SPIDR: variants seen among roughly 807,000 people sequenced by gnomAD.
The protein encoded by SPIDR is DNA repair-scaffolding protein.
A neutral mutation model predicts 104.6 loss-of-function variants in SPIDR; 93 were observed. The observed-to-expected ratio is 0.89, with a 90% CI of 0.75 to 1.06. The LOEUF is 1.06. SPIDR is among the 50% of genes least tolerant of loss of function. The pLI, the probability that SPIDR is intolerant of heterozygous loss-of-function variation, is 0.00. For synonymous variants in SPIDR, 431 were observed against 416.9 expected (o/e 1.03, Z -0.41); for missense variants, 1,154 against 1,111.2 (o/e 1.04, Z -0.55).
intron 10 of SPIDR, among the ~76,000 whole-genome samples, chr8:47,627,277 T>C (rs1307628370): frequency 1.3e-5 from 2 of 151,974 alleles, no homozygotes; most frequent in Non-Finnish European, 1.5e-5. Context: ...TTAGGAGATA[T>C]ACCTAATGCT....
At chr8:47,302,448 C>G (rs1163603810) in intron 5 of SPIDR, among the ~76,000 whole-genome samples, 1 of 152,140 alleles carries the variant, frequency 6.6e-6, no homozygotes, top group African/African-American at 2.4e-5. Context: ...CTCAACTCGT[C>G]AAAGTCACTC....
chr8:47,507,590 T>C (rs2081681078), intron 8 of SPIDR, among the ~76,000 whole-genome samples: 4 of 152,254 alleles, frequency 2.6e-5, no homozygotes, highest in Admixed American at 2.6e-4. Context: ...ATCAGTAATA[T>C]AAGCTTCTTG....
intron 16 of SPIDR, among the ~76,000 whole-genome samples, chr8:47,716,082 A>G (rs1486613600): frequency 6.7e-6 from 1 of 149,614 alleles, no homozygotes; most frequent in Non-Finnish European, 1.5e-5. Flanking sequence ...CTCCTGCCTC[A>G]GCCTCCCAAG....
intron 8 of SPIDR, among the ~76,000 whole-genome samples, chr8:47,449,117 A>T (rs782451248): frequency 1.3e-5 from 2 of 152,154 alleles, no homozygotes; most frequent in Non-Finnish European, 2.9e-5. Context: ...TTGGACTATG[A>T]TGGTGAATAG....
chr8:47,322,871 A>G (rs1211020457), intron 5 of SPIDR, among the ~76,000 whole-genome samples: 2 of 151,792 alleles, frequency 1.3e-5, no homozygotes, highest in Non-Finnish European at 2.9e-5. Context: ...TCTCACTCAT[A>G]GGTGGGAATT....
chr8:47,563,574 A>G lies in SPIDR; in HGVS notation c.1098-32237A>G, dbSNP rs906301847. Among the ~76,000 whole-genome samples the G allele has an allele frequency of 1.1e-4, 16 of 152,108 alleles. 1 individual carries two copies. On this transcript the variant is annotated intron_variant, in intron 8 of 19. Transcript: ENST00000297423. ...ACTGTGCCTCAGGTTGTCATGTACC[A>G]TTGTGCCCCTATCGACTGTCACATG...
At chr8:47,499,007 A>G (rs1427569297) in intron 8 of SPIDR, among the ~76,000 whole-genome samples, 1 of 152,196 alleles carries the variant, frequency 6.6e-6, no homozygotes, top group Non-Finnish European at 1.5e-5. Context: ...ATCTAGAAGC[A>G]AAGACCTCTG....
chr8:47,544,668 G>C (rs1312891144), intron 8 of SPIDR, among the ~76,000 whole-genome samples: 2 of 152,166 alleles, frequency 1.3e-5, no homozygotes, highest in Non-Finnish European at 2.9e-5. Flanking sequence ...TCTATTTCTG[G>C]GTGTTCTGTT....
chr8:47,711,318 G>A (rs2081855319), intron 14 of SPIDR, among the ~76,000 whole-genome samples: 1 of 152,106 alleles, frequency 6.6e-6, no homozygotes, highest in Non-Finnish European at 1.5e-5. Context: ...ATGGAGAATG[G>A]CTTTTTGGTT....
chr8:47,304,589 T>A (rs1012487764), intron 5 of SPIDR, among the ~76,000 whole-genome samples: 1 of 152,274 alleles, frequency 6.6e-6, no homozygotes, highest in Non-Finnish European at 1.5e-5. Flanking sequence ...AAGTGTCTGC[T>A]TCCTCCTCCC....
intron 5 of SPIDR, among the ~76,000 whole-genome samples, chr8:47,353,178 A>G (rs2053886455): frequency 6.6e-6 from 1 of 152,136 alleles, no homozygotes; most frequent in Non-Finnish European, 1.5e-5. Context: ...TGGGAGTCAA[A>G]ATAATTAAAA....
chr8:47,379,825 T>G (rs1587944112), intron 5 of SPIDR, among the ~76,000 whole-genome samples: 1 of 152,180 alleles, frequency 6.6e-6, no homozygotes, highest in African/African-American at 2.4e-5. Flanking sequence ...CTTGTGGAGC[T>G]TCTGGGTGAG....
At chr8:47,635,419 C>A (rs2067747707) in intron 10 of SPIDR, among the ~76,000 whole-genome samples, 1 of 152,056 alleles carries the variant, frequency 6.6e-6, no homozygotes, top group Non-Finnish European at 1.5e-5. Context: ...TGAGGGATAC[C>A]CCATCTACCC....
At chr8:47,627,053 C>A (rs575938169) in intron 10 of SPIDR, among the ~76,000 whole-genome samples, 1 of 152,252 alleles carries the variant, frequency 6.6e-6, no homozygotes, top group Admixed American at 6.5e-5. Flanking sequence ...GAATACTATG[C>A]AGCCATAAAA....
chr8:47,577,093 A>G (rs1302354773), intron 8 of SPIDR, among the ~76,000 whole-genome samples: 1 of 152,254 alleles, frequency 6.6e-6, no homozygotes, highest in East Asian at 1.9e-4. Flanking sequence ...AAGTGAAGAA[A>G]GATGTTCTTC....
In SPIDR at chr8:47,623,282, A is replaced by T. The variant is rs967375140; in HGVS notation, c.1544+24086A>T. ...ATCTGGTACCAGCCACTGCAAAAACATGCCAAATTGTAAAGACCATCGAGG... is the reference window on the plus strand; with the variant it reads ...ATCTGGTACCAGCCACTGCAAAAACTTGCCAAATTGTAAAGACCATCGAGG... On this transcript the variant is annotated intron_variant, in intron 10 of 19. Coordinates refer to ENST00000297423, the MANE Select transcript of SPIDR (RefSeq NM_001080394.4). Among the ~76,000 whole-genome samples, 164 of 152,348 alleles carry T rather than the reference A, an allele frequency of 1.1e-3. 3 individuals are homozygous for T. The highest frequency in any genetic ancestry group is 0.011 in the Admixed American group (161 of 15,304).
chr8:47,307,130 A>G (rs2043217004), intron 5 of SPIDR, among the ~76,000 whole-genome samples: 1 of 151,308 alleles, frequency 6.6e-6, no homozygotes, highest in African/African-American at 2.4e-5. Flanking sequence ...TACATAACTT[A>G]CTGCTTTTTG....
chr8:47,472,009 G>A (rs2154358144), intron 8 of SPIDR, among the ~76,000 whole-genome samples: 1 of 152,300 alleles, frequency 6.6e-6, no homozygotes, highest in Non-Finnish European at 1.5e-5. Context: ...TATAAGAGTG[G>A]TGATTGCAGA....
At chr8:47,633,748 GTA>G (rs1260788128) in intron 10 of SPIDR, among the ~76,000 whole-genome samples, 1 of 152,140 alleles carries the variant, frequency 6.6e-6, no homozygotes, top group East Asian at 1.9e-4. Context: ...TATACTCAAA[GTA>G]CAGGGCAGTA....
Sources: allele counts gnomAD v4.1 joint callset (sites outside exome capture counted in the v4.1 genomes callset), GRCh38; gene constraint gnomAD v4.1.1; transcripts MANE v1.5; gene names NCBI Gene and HGNC (gene_info 2026-07-23, HGNC 2026-07-21).